SATL1: variants seen among roughly 807,000 people sequenced by gnomAD.
The protein encoded by SATL1 is spermidine/spermine N(1)-acetyltransferase-like protein 1.
A neutral mutation model predicts 51.8 loss-of-function variants in SATL1; 47 were observed. That is an observed-to-expected ratio of 0.91 (90% confidence interval 0.72 to 1.16). The LOEUF is 1.16. SATL1 is among the 50% of genes most tolerant of loss of function. SATL1 has a pLI of 0.00. For missense variants in SATL1, 520 were observed against 526.4 expected (o/e 0.99, Z 0.12); for synonymous variants, 176 against 182.4 (o/e 0.97, Z 0.28).
intron 2 of SATL1, among the ~76,000 whole-genome samples, chrX:85,157,163 CAT>C (rs768017740): frequency 9.1e-6 from 1 of 109,743 alleles, no homozygotes; most frequent in Non-Finnish European, 1.9e-5. Context: ...AGTAATTCTA[CAT>C]ATGTTTCTGA....
intron 2 of SATL1, among the ~76,000 whole-genome samples, chrX:85,127,562 C>A (rs1278893613): frequency 9.0e-6 from 1 of 111,507 alleles, no homozygotes; most frequent in African/African-American, 3.3e-5. Context: ...TTAACTTGCT[C>A]CATATCCTGT....
rs770470060 is a variant in SATL1 at position 85,103,928 on chromosome X, A to G, written c.1642-13T>C. ...AGGCAGCCAATTCCTGTCAAAGTAG[A>G]TAAAACCTTCAGTTTATGATTTAGC... is the stretch of plus-strand genomic sequence containing the variant. On this transcript the variant is annotated splice_polypyrimidine_tract_variant and intron_variant, in intron 3 of 7. Transcript: ENST00000644105. The G allele has an allele frequency of 1.8e-6, 2 of 1,139,473 alleles. No individual in the cohort carries two copies. The highest frequency in any genetic ancestry group is 1.8e-5 in the African/African-American group (1 of 55,937). 93.9% of individuals were successfully genotyped at this position (1,139,473 alleles called of 1,213,427 possible).
chrX:85,170,973 C>A (rs1479361976), intron 2 of SATL1, among the ~76,000 whole-genome samples: 2 of 110,973 alleles, frequency 1.8e-5, no homozygotes, highest in African/African-American at 6.5e-5. Flanking sequence ...TTTTACTGTG[C>A]GAATAAATTT....
intron 2 of SATL1, among the ~76,000 whole-genome samples, chrX:85,215,594 C>G (rs1291869046): frequency 1.8e-5 from 2 of 112,144 alleles, no homozygotes; most frequent in Non-Finnish European, 3.8e-5. Flanking sequence ...AAATTTCTTT[C>G]ACCAGATACC....
chrX:85,148,929 A>G (rs1838910266), intron 2 of SATL1, among the ~76,000 whole-genome samples: 1 of 111,283 alleles, frequency 9.0e-6, no homozygotes, highest in Non-Finnish European at 1.9e-5. Context: ...ATAACCAGCT[A>G]ACATCATAAT....
At chrX:85,157,701 C>T (rs1025836944) in intron 2 of SATL1, among the ~76,000 whole-genome samples, 1 of 111,357 alleles carries the variant, frequency 9.0e-6, no homozygotes, top group Non-Finnish European at 1.9e-5. Context: ...AGTATAATGC[C>T]CATCACTTAG....
At chrX:85,221,912 T>C (rs1928185075) in intron 2 of SATL1, among the ~76,000 whole-genome samples, 1 of 112,084 alleles carries the variant, frequency 8.9e-6, no homozygotes, top group African/African-American at 3.2e-5. Context: ...TAAGCAGGAA[T>C]AGACATTGAG....
Position 85,092,379 on chromosome X carries a change from A to C in SATL1, c.*12T>G, listed in dbSNP as rs1250498108. The C allele has an allele frequency of 8.6e-7, 1 of 1,160,080 alleles. No individual in the cohort carries two copies. The highest frequency in any genetic ancestry group is 3.3e-5 in the East Asian group (1 of 30,744). ...GGAGGCTGTGTTGGGATGAGTTGTT[A>C]CAAAGCCTCTTTCATTCTTCCCATG... On this transcript the variant is annotated 3_prime_UTR_variant, in exon 8 of 8. Transcript: ENST00000644105.
At chrX:85,218,140 T>TAA (rs11462952) in intron 2 of SATL1, among the ~76,000 whole-genome samples, 99 of 103,780 alleles carry the variant, frequency 9.5e-4, no homozygotes, top group East Asian at 3.7e-3. Flanking sequence ...AGGGAGAAGA[T>TAA]AAAAAAAAAA....
At chrX:85,242,843 T>C (rs189874798) in intron 1 of SATL1, among the ~76,000 whole-genome samples, 5 of 112,461 alleles carry the variant, frequency 4.4e-5, no homozygotes, top group Admixed American at 2.8e-4. Context: ...TTGGAAATTA[T>C]ATCTCCTCAT....
At chrX:85,094,831 T>G in intron 5 of SATL1, 85 bp downstream of exon 5, 1 of 599,324 alleles carries the variant, frequency 1.7e-6, no homozygotes, top group Admixed American at 2.8e-5. Context: ...TGCTTAATAG[T>G]AATTATATGC....
At chrX:85,151,006 G>A (rs1032670975) in intron 2 of SATL1, among the ~76,000 whole-genome samples, 1 of 110,738 alleles carries the variant, frequency 9.0e-6, no homozygotes, top group Non-Finnish European at 1.9e-5. Flanking sequence ...CATTCAATTA[G>A]GAAAAGAGGA....
chrX:85,129,421 G>C (rs1481070725), intron 2 of SATL1, among the ~76,000 whole-genome samples: 2 of 111,464 alleles, frequency 1.8e-5, no homozygotes, highest in Non-Finnish European at 3.8e-5. Context: ...GTGAATGGGA[G>C]TTCACTCATG....
intron 4 of SATL1, 31 bp from the exon 5 acceptor site, chrX:85,095,027 G>A (rs1320022393): frequency 1.2e-6 from 1 of 843,346 alleles, no homozygotes. Flanking sequence ...TAGGATGTCA[G>A]AAAGTTTATA....
At chrX:85,123,673 CT>C (rs1273309745) in intron 2 of SATL1, among the ~76,000 whole-genome samples, 1 of 111,524 alleles carries the variant, frequency 9.0e-6, no homozygotes, top group Non-Finnish European at 1.9e-5. Context: ...AAGAAACAGT[CT>C]TCTAAAGTTG....
At chrX:85,178,964 C>T (rs1267030710) in intron 2 of SATL1, among the ~76,000 whole-genome samples, 2 of 111,717 alleles carry the variant, frequency 1.8e-5, no homozygotes, top group Non-Finnish European at 3.8e-5. Context: ...TTCTCCTATA[C>T]TTAGTAAATT....
At chrX:85,171,621 C>G (rs763126755) in intron 2 of SATL1, among the ~76,000 whole-genome samples, 1 of 111,335 alleles carries the variant, frequency 9.0e-6, no homozygotes, top group East Asian at 2.8e-4. Context: ...ACTCCTGAAT[C>G]GAGTAGGTCA....
chrX:85,113,656 G>A (rs1463965329), intron 2 of SATL1, among the ~76,000 whole-genome samples: 6 of 112,069 alleles, frequency 5.4e-5, no homozygotes, highest in African/African-American at 1.9e-4. Context: ...AGACTGACTT[G>A]TTTTGCAAAA....
intron 2 of SATL1, among the ~76,000 whole-genome samples, chrX:85,163,178 TTTG>T (rs199669352): frequency 0.11 from 11,989 of 106,894 alleles, 591 homozygotes; most frequent in South Asian, 0.16. Flanking sequence ...TCCTGGAGTT[TTTG>T]TTGTTGTTGT....
Sources: gnomAD v4.1 joint callset for allele counts (sites outside exome capture counted in the v4.1 genomes callset) on GRCh38, gnomAD v4.1.1 for gene constraint, MANE v1.5 for transcripts, NCBI Gene and HGNC (gene_info 2026-07-23, HGNC 2026-07-21) for gene names.